ING5: variants seen among roughly 807,000 people sequenced by gnomAD.
ING5 encodes the protein inhibitor of growth family member 5, also known as inhibitor of growth protein 5.
ING5 carries 17 observed loss-of-function variants against 37.4 expected under a neutral mutation model. The ratio of observed to expected loss-of-function variants is 0.45; its 90% CI spans 0.31 to 0.68. The LOEUF is 0.68. Ranked by LOEUF, ING5 falls within the 30% of genes least tolerant of loss-of-function variation. The pLI is 0.05. For synonymous variants in ING5, 123 were observed against 116.6 expected, an observed-to-expected ratio of 1.06 and a Z score of -0.36; for missense variants, 233 against 311.9, an observed-to-expected ratio of 0.75 and a Z score of 1.91.
At chr2:241,698,291 A>G (rs1315294429), upstream of ING5, among the ~76,000 whole-genome samples, 2 of 152,024 alleles carry the variant, frequency 1.3e-5, no homozygotes, top group Non-Finnish European at 2.9e-5. Context: ...TGAAAATACA[A>G]AAAATTAGCC....
intron 7 of ING5, chr2:241,723,698 C>G (rs1188879948): frequency 1.5e-5 from 23 of 1,503,890 alleles, no homozygotes; most frequent in Non-Finnish European, 2.1e-5. Flanking sequence ...GGGGCTCTGC[C>G]CCTGGCTCTG....
chr2:241,710,531 C>G (rs1198191142), intron 3 of ING5, among the ~76,000 whole-genome samples: 1 of 151,978 alleles, frequency 6.6e-6, no homozygotes, highest in Non-Finnish European at 1.5e-5. Flanking sequence ...GTTGCTCAGG[C>G]TGGAGTGCAA....
At chr2:241,699,037 T>G (rs1320257173), upstream of ING5, among the ~76,000 whole-genome samples, 14 of 113,146 alleles carry the variant, frequency 1.2e-4, no homozygotes, top group East Asian at 5.1e-4. Flanking sequence ...GAATTTTTTT[T>G]TGGGGGGGGA....
At chr2:241,701,478 G>T (rs980596404), upstream of ING5, among the ~76,000 whole-genome samples, 1 of 152,308 alleles carries the variant, frequency 6.6e-6, no homozygotes, top group African/African-American at 2.4e-5. Context: ...GCGGGGGAAG[G>T]GCGCCAGGGC....
intron 3 of ING5, 77 bp downstream of exon 3, chr2:241,709,459 C>A: frequency 7.0e-7 from 1 of 1,424,554 alleles, no homozygotes. Flanking sequence ...GTAAAAACTG[C>A]CCGGAAATGG....
At chr2:241,695,451 GC>G (rs2069617114) in intron 2 of ING5, among the ~76,000 whole-genome samples, 1 of 152,204 alleles carries the variant, frequency 6.6e-6, no homozygotes, top group Non-Finnish European at 1.5e-5. Context: ...ACTTTGGGAG[GC>G]CAAGGTGGGT....
chr2:241,719,429 A>G, intron 5 of ING5: 1 of 866,854 alleles, frequency 1.2e-6, no homozygotes, highest in Non-Finnish European at 1.8e-6. Flanking sequence ...GCTCCCCGAC[A>G]TCTTTGAGAA....
At position 241,726,870 on chromosome 2, in the gene ING5, C is replaced by G. The variant is rs532730874; in HGVS notation, c.*1839C>G. On this transcript the variant is annotated 3_prime_UTR_variant, in exon 8 of 8. Coordinates refer to ENST00000313552, the MANE Select transcript of ING5 (RefSeq NM_032329.6). Reference sequence around the variant, plus strand: ...AGAGCAGTGGCGTGATCTCGGCTCACTGCAAGCTCCGCCTCCCGGGTTCAC... The same window carrying G: ...AGAGCAGTGGCGTGATCTCGGCTCAGTGCAAGCTCCGCCTCCCGGGTTCAC... 2.0e-5 allele frequency: 3 copies of G among 152,370 alleles called. No homozygotes were observed. Among genetic ancestry groups the G allele is most frequent in the African/African-American group, 7.2e-5 (3 of 41,582 alleles). 9.4% of individuals were successfully genotyped at this position (152,370 alleles called of 1,614,324 possible). A position where few individuals can be genotyped will look rare whatever the true frequency, so the allele number is the denominator to read the frequency against.
intron 5 of ING5, chr2:241,721,154 G>A (rs1348082980): frequency 7.1e-5 from 70 of 985,484 alleles, no homozygotes; most frequent in Non-Finnish European, 7.2e-5. Context: ...CTCTCCGCGG[G>A]TGAGAGGTGA....
upstream of ING5, among the ~76,000 whole-genome samples, chr2:241,701,567 G>A (rs1223276171): frequency 4.6e-5 from 7 of 152,032 alleles, no homozygotes; most frequent in Admixed American, 1.3e-4. Context: ...GGCCCCGGGG[G>A]CTCGGGGTCC....
chr2:241,704,054 G>C (rs907067820), intron 1 of ING5, among the ~76,000 whole-genome samples: 5 of 152,148 alleles, frequency 3.3e-5, no homozygotes, highest in Non-Finnish European at 7.4e-5. Context: ...TGCTCACTGA[G>C]GGGGGGCAGC....
intron 2 of ING5, among the ~76,000 whole-genome samples, chr2:241,695,291 T>C (rs1337602861): frequency 6.6e-6 from 1 of 152,010 alleles, no homozygotes; most frequent in Non-Finnish European, 1.5e-5. Flanking sequence ...CGGTGCCAGC[T>C]GACATCAGCC....
intron 5 of ING5, among the ~76,000 whole-genome samples, chr2:241,713,000 C>CA (rs11377852): frequency 0.44 from 56,618 of 128,962 alleles, 11,465 homozygotes; most frequent in East Asian, 0.67. Context: ...GACTCTGTCT[C>CA]AAAAAAAAAA....
intron 5 of ING5, chr2:241,722,492 G>T: frequency 2.0e-6 from 2 of 985,326 alleles, no homozygotes; most frequent in Non-Finnish European, 2.4e-6. Flanking sequence ...TGGGCGCGAG[G>T]TCTCCACCCC....
At chr2:241,700,150 GTTTTTTTTTT>G (rs780209565), upstream of ING5, among the ~76,000 whole-genome samples, 145 of 73,324 alleles carry the variant, frequency 2.0e-3, 2 homozygotes, top group Middle Eastern at 0.013. Context: ...GCCCGGCTAA[GTTTTTTTTTT>G]TTTTTTTTTT....
chr2:241,692,519 C>T (rs550572190), intron 2 of ING5, among the ~76,000 whole-genome samples: 1 of 150,794 alleles, frequency 6.6e-6, no homozygotes, highest in Non-Finnish European at 1.5e-5. Flanking sequence ...CCAGGCTGGT[C>T]TTGAACTGGT....
intron 5 of ING5, chr2:241,719,770 T>C: frequency 6.9e-7 from 1 of 1,444,618 alleles, no homozygotes; most frequent in Non-Finnish European, 9.0e-7. Flanking sequence ...GAAGATCCAC[T>C]GTGGCCTCAT....
At chr2:241,719,398 T>A (rs1559311749) in intron 5 of ING5, 3 of 686,284 alleles carry the variant, frequency 4.4e-6, no homozygotes, top group East Asian at 3.1e-5. Context: ...CTGCAGGTCA[T>A]CTAGCTCTTG....
At chr2:241,711,314 C>A (rs902695946) in intron 3 of ING5, 63 bp from the exon 4 acceptor site, 69 of 1,154,778 alleles carry the variant, frequency 6.0e-5, no homozygotes, top group Middle Eastern at 4.2e-4. Flanking sequence ...TACTTTTGTA[C>A]ATTCGTGATT....
Sources: gnomAD v4.1 joint callset for allele counts (sites outside exome capture counted in the v4.1 genomes callset) on GRCh38, gnomAD v4.1.1 for gene constraint, MANE v1.5 for transcripts, NCBI Gene and HGNC (gene_info 2026-07-23, HGNC 2026-07-21) for gene names.